G3BP2: variants seen among roughly 807,000 people sequenced by gnomAD.
G3BP2 encodes G3BP stress granule assembly factor 2, also known as ras GTPase-activating protein-binding protein 2.
Under a neutral mutation model 56.7 loss-of-function variants are expected in G3BP2, and 11 were observed. The ratio of observed to expected loss-of-function variants is 0.19; its 90% CI spans 0.12 to 0.32. The LOEUF (loss-of-function observed/expected upper bound fraction) is 0.32. Ranked by LOEUF, G3BP2 falls within the 10% of genes least tolerant of loss-of-function variation. G3BP2 has a pLI of 1.00. For missense variants in G3BP2, 340 were observed against 610.9 expected (o/e 0.56, Z 4.67); for synonymous variants, 165 against 191.6 (o/e 0.86, Z 1.15).
chr4:75,674,714 ATATATTTTTT>A (rs1178661587), upstream of G3BP2, among the ~76,000 whole-genome samples: 2 of 54,820 alleles, frequency 3.6e-5, no homozygotes, highest in African/African-American at 6.5e-5. Context: ...ATATATATAT[ATATATTTTTT>A]TTTTTTTTTT....
intron 2 of G3BP2, among the ~76,000 whole-genome samples, chr4:75,661,024 A>C (rs920284950): frequency 6.6e-6 from 1 of 152,212 alleles, no homozygotes; most frequent in African/African-American, 2.4e-5. Flanking sequence ...TTCACAGTAT[A>C]ATCATTTAAC....
At chr4:75,700,059 T>C (rs1382272718) in intron 3 of G3BP2, among the ~76,000 whole-genome samples, 2 of 152,140 alleles carry the variant, frequency 1.3e-5, no homozygotes, top group Non-Finnish European at 2.9e-5. Flanking sequence ...ATATATGATA[T>C]GAATTTTTTT....
chr4:75,676,950 A>G (rs1182213908), upstream of G3BP2, among the ~76,000 whole-genome samples: 1 of 152,138 alleles, frequency 6.6e-6, no homozygotes, highest in Non-Finnish European at 1.5e-5. Context: ...TTCCTTTGAC[A>G]TTCTCATCAC....
chr4:75,703,398 C>T (rs529854403), intron 3 of G3BP2, among the ~76,000 whole-genome samples: 1 of 152,196 alleles, frequency 6.6e-6, no homozygotes, highest in African/African-American at 2.4e-5. Context: ...ATCCACACCA[C>T]TTACCCTTAG....
chr4:75,713,861 G>C (rs1027470984), intron 3 of G3BP2, among the ~76,000 whole-genome samples: 4 of 152,156 alleles, frequency 2.6e-5, no homozygotes, highest in African/African-American at 4.8e-5. Flanking sequence ...CTTTCTGAGA[G>C]GATATACTAT....
intron 8 of G3BP2, among the ~76,000 whole-genome samples, chr4:75,649,991 AC>A (rs1306918070): frequency 2.0e-5 from 3 of 152,266 alleles, no homozygotes; most frequent in African/African-American, 4.8e-5. Context: ...AGCCTGGGCA[AC>A]AAGAGTGAAA....
At chr4:75,666,458 A>G (rs369260726) in intron 1 of G3BP2, among the ~76,000 whole-genome samples, 5 of 152,322 alleles carry the variant, frequency 3.3e-5, no homozygotes, top group African/African-American at 1.2e-4. Context: ...TTACTGAGAG[A>G]ACAGTGTTTC....
chr4:75,723,852 C>T (rs781344171), intron 1 of G3BP2, among the ~76,000 whole-genome samples: 8 of 151,372 alleles, frequency 5.3e-5, no homozygotes, highest in African/African-American at 9.7e-5. Context: ...AACCTCACTG[C>T]CAAAGGAACA....
At chr4:75,699,738 T>A (rs948405979) in intron 3 of G3BP2, among the ~76,000 whole-genome samples, 1 of 152,210 alleles carries the variant, frequency 6.6e-6, no homozygotes, top group Non-Finnish European at 1.5e-5. Flanking sequence ...ATAGTTGTTG[T>A]TTTTCAGAAG....
At chr4:75,680,570 C>T (rs1438292206) in intron 3 of G3BP2, among the ~76,000 whole-genome samples, 1 of 152,208 alleles carries the variant, frequency 6.6e-6, no homozygotes, top group Non-Finnish European at 1.5e-5. Flanking sequence ...GACCCCAACA[C>T]AGTGCCACGC....
chr4:75,677,005 G>A (rs1733900536), upstream of G3BP2, among the ~76,000 whole-genome samples: 1 of 152,020 alleles, frequency 6.6e-6, no homozygotes, highest in Non-Finnish European at 1.5e-5. Flanking sequence ...TCAAAACACT[G>A]TGAAAAATAA....
intron 8 of G3BP2, among the ~76,000 whole-genome samples, chr4:75,651,339 C>A (rs535965826): frequency 5.9e-5 from 9 of 152,202 alleles, no homozygotes; most frequent in Admixed American, 2.0e-4. Flanking sequence ...GATTTAAATT[C>A]TTTTCAAAAC....
intron 3 of G3BP2, among the ~76,000 whole-genome samples, chr4:75,709,477 T>C (rs1286254574): frequency 3.5e-5 from 5 of 142,494 alleles, no homozygotes; most frequent in African/African-American, 1.3e-4. Context: ...CCAGGTGTAG[T>C]AGCACATGCC....
chr4:75,674,733 T>A (rs1418315773), upstream of G3BP2, among the ~76,000 whole-genome samples: 186 of 131,510 alleles, frequency 1.4e-3, no homozygotes, highest in Non-Finnish European at 2.0e-3. Flanking sequence ...TTTTTTTTTT[T>A]TTTTTTTAAG....
chr4:75,648,919 T>G, intron 8 of G3BP2, 178 bp from the exon 9 acceptor site: 1 of 454,470 alleles, frequency 2.2e-6, no homozygotes, highest in Non-Finnish European at 4.0e-6. Context: ...TGTACCAATC[T>G]AGGACTGTAG....
At chr4:75,657,427 AAAC>A (rs1321609378) in intron 4 of G3BP2, 127 bp downstream of exon 4, 9 of 670,884 alleles carry the variant, frequency 1.3e-5, no homozygotes, top group South Asian at 4.0e-5. Context: ...GCACTCACTC[AAAC>A]AACAGGTCAA....
chr4:75,673,001 C>G, intron 1 of G3BP2: 1 of 987,382 alleles, frequency 1.0e-6, no homozygotes. Flanking sequence ...CCTTCCCAGG[C>G]GGCCTCCCAC....
At chr4:75,717,743 T>G (rs1377183072) in intron 3 of G3BP2, among the ~76,000 whole-genome samples, 1 of 152,128 alleles carries the variant, frequency 6.6e-6, no homozygotes, top group Non-Finnish European at 1.5e-5. Flanking sequence ...GCTTGAGGTG[T>G]TGGGGGAGAG....
chr4:75,658,459 G>A (rs766660541), intron 3 of G3BP2, among the ~76,000 whole-genome samples: 1 of 150,898 alleles, frequency 6.6e-6, no homozygotes, highest in African/African-American at 2.4e-5. Context: ...GGCCGGGCGC[G>A]GTGGCTCACG....
Sources: gnomAD v4.1 joint callset for allele counts (sites outside exome capture counted in the v4.1 genomes callset) on GRCh38, gnomAD v4.1.1 for gene constraint, MANE v1.5 for transcripts, NCBI Gene and HGNC (gene_info 2026-07-23, HGNC 2026-07-21) for gene names.